The following XRRA1 variants were observed in gnomAD, a reference collection of about 807,000 sequenced individuals.
The protein encoded by XRRA1 is X-ray radiation resistance-associated protein 1.
Under a neutral mutation model 80.2 loss-of-function variants are expected in XRRA1, and 69 were observed. The observed-to-expected ratio is 0.86, with a 90% CI of 0.71 to 1.05. The LOEUF is 1.05. Ranked by LOEUF, XRRA1 falls within the 50% of genes least tolerant of loss-of-function variation. The pLI is 0.00. For synonymous variants in XRRA1, 348 were observed against 389.9 expected (o/e 0.89, Z 1.27); for missense variants, 967 against 976.4 (o/e 0.99, Z 0.13).
chr11:74,859,728 T>C (rs1247120412), intron 11 of XRRA1, among the ~76,000 whole-genome samples: 1 of 151,160 alleles, frequency 6.6e-6, no homozygotes, highest in Non-Finnish European at 1.5e-5. Flanking sequence ...GAGAGGGAGG[T>C]GTTTTGAGCC....
At chr11:74,864,820 A>G (rs985019437) in intron 10 of XRRA1, among the ~76,000 whole-genome samples, 4 of 152,154 alleles carry the variant, frequency 2.6e-5, no homozygotes, top group African/African-American at 9.6e-5. Flanking sequence ...ACTCACCTAT[A>G]TCTTGCAGCC....
chr11:74,941,031 T>G (rs1946237862), intron 2 of XRRA1, 149 bp from the exon 3 acceptor site: 1 of 612,944 alleles, frequency 1.6e-6, no homozygotes, highest in South Asian at 2.0e-5. Context: ...CTGCCCTTGC[T>G]TCAGAAATGG....
chr11:74,904,354 G>A (rs866039807), intron 10 of XRRA1, among the ~76,000 whole-genome samples: 1 of 152,100 alleles, frequency 6.6e-6, no homozygotes, highest in Non-Finnish European at 1.5e-5. Flanking sequence ...AGCTACTTGG[G>A]AGGCTGAGGC....
chr11:74,871,540 A>C (rs183282068), intron 10 of XRRA1, among the ~76,000 whole-genome samples: 56 of 152,336 alleles, frequency 3.7e-4, no homozygotes, highest in African/African-American at 1.3e-3. Context: ...TTTAGCAGTC[A>C]TATCAGGCAA....
intron 10 of XRRA1, among the ~76,000 whole-genome samples, chr11:74,881,421 TG>T (rs1161228990): frequency 2.7e-5 from 4 of 150,794 alleles, no homozygotes; most frequent in African/African-American, 9.9e-5. Context: ...TTATCCAATT[TG>T]CCAGTCTGTG....
intron 8 of XRRA1, among the ~76,000 whole-genome samples, chr11:74,909,664 G>A (rs1038949347): frequency 6.6e-6 from 1 of 152,084 alleles, no homozygotes; most frequent in Non-Finnish European, 1.5e-5. Context: ...CTTTCCCACC[G>A]AGCCCCTCCT....
At position 74,927,469 on chromosome 11, in the gene XRRA1, T is replaced by C; in HGVS notation, c.444A>G (p.Pro148=). The change falls in exon 7 of 19, where the codon CCA becomes CCG. Residue 148 remains proline, a synonymous_variant. Coordinates refer to ENST00000684022, the MANE Select transcript of XRRA1 (RefSeq NM_001378157.1). ...LLPLEAFHTF[P]ALKELDLAFN... The stretch of plus-strand genomic sequence containing the variant: ...ATGCGAGATCCAGTTCCTTTAGGGC[T>C]GGAAACGTGTGAAATGCCTCTACAT... The C allele has an allele frequency of 1.2e-6, 2 of 1,612,626 alleles. No homozygotes were observed. Among genetic ancestry groups the C allele is most frequent in the Non-Finnish European group, 1.7e-6 (2 of 1,178,648 alleles).
rs1276690531 is a variant in XRRA1 at position 74,933,721 on chromosome 11, G to A, written c.351+80C>T. The A allele has an allele frequency of 3.0e-6, 4 of 1,337,218 alleles. No homozygotes were observed. In the Admixed American group the frequency reaches 7.9e-5, roughly 26 times the overall value. The allele number at this position is 1,337,218 out of a possible 1,614,324, so 82.8% of individuals were successfully genotyped here. On this transcript the variant is annotated intron_variant, in intron 5 of 18. Transcript: ENST00000684022. ...TCCAGTCCCTAGGGACTCTGGAGGTGCAAGAGACAAACCACAACAGCCAGG... is the reference window on the plus strand; with the variant it reads ...TCCAGTCCCTAGGGACTCTGGAGGTACAAGAGACAAACCACAACAGCCAGG...
At chr11:74,894,523 A>G (rs2051710137) in intron 10 of XRRA1, among the ~76,000 whole-genome samples, 1 of 152,192 alleles carries the variant, frequency 6.6e-6, no homozygotes, top group East Asian at 1.9e-4. Context: ...CATGGCAGAA[A>G]GCGAGGGGGA....
intron 10 of XRRA1, among the ~76,000 whole-genome samples, chr11:74,902,263 T>C (rs1437342487): frequency 2.0e-5 from 3 of 152,156 alleles, no homozygotes; most frequent in Non-Finnish European, 2.9e-5. Context: ...AGTCAGGCAA[T>C]AACAAATGCT....
At chr11:74,847,377 GCC>G (rs2038552629) in intron 15 of XRRA1, among the ~76,000 whole-genome samples, 1 of 152,054 alleles carries the variant, frequency 6.6e-6, no homozygotes, top group South Asian at 2.1e-4. Context: ...GTTCAAGGGG[GCC>G]CTGCCAACTC....
At chr11:74,924,298 A>T in intron 7 of XRRA1, among the ~76,000 whole-genome samples, 1 of 149,794 alleles carries the variant, frequency 6.7e-6, no homozygotes, top group South Asian at 2.1e-4. Context: ...ACACGGTGAA[A>T]CCCCGTCTCT....
chr11:74,887,882 C>A (rs1317383561), intron 10 of XRRA1, among the ~76,000 whole-genome samples: 3 of 152,088 alleles, frequency 2.0e-5, no homozygotes, highest in Non-Finnish European at 2.9e-5. Flanking sequence ...GGGAGGGGCA[C>A]CCGCCATTGC....
chr11:74,937,826 A>C (rs571022069), intron 3 of XRRA1, among the ~76,000 whole-genome samples: 1 of 152,276 alleles, frequency 6.6e-6, no homozygotes, highest in South Asian at 2.1e-4. Context: ...CTCCCTCTCT[A>C]GAGTGGAAGC....
Position 74,845,220 on chromosome 11 carries a change from C to T in XRRA1, c.1780G>A (p.Glu594Lys). The T allele has an allele frequency of 1.9e-6, 3 of 1,613,960 alleles. No individual in the cohort carries two copies. The African/African-American group carries it at 4.0e-5, about 22-fold the overall frequency. The part of the protein sequence containing the change: ...VIHKDDLELK[E>K]KDQKKPPTAP... ...GTTGGTGGTTTCTTTTGGTCTTTCT[C>T]CTTTAACTCTAAATCATCCTTATGG... Residue 594 changes from glutamate to lysine, a missense_variant, in exon 16 of 19, where the codon GAG (glutamate) becomes AAG (lysine). Transcript: ENST00000684022.
chr11:74,869,647 A>G (rs1233721896), intron 10 of XRRA1, among the ~76,000 whole-genome samples: 2 of 152,170 alleles, frequency 1.3e-5, no homozygotes, highest in African/African-American at 4.8e-5. Flanking sequence ...GAAGATTAGT[A>G]TGGGGGCGAC....
In XRRA1 at chr11:74,843,925, GTCT is replaced by G. The variant is rs746909441; in HGVS notation, c.2075_2077del (p.Lys692del). On this transcript the variant is annotated inframe_deletion, in exon 18 of 19. Coordinates refer to ENST00000684022, the MANE Select transcript of XRRA1 (RefSeq NM_001378157.1). ...GATGTCATCCAGAAGTTGGGCTCTA[GTCT>G]TCTTTGGGGGTGGAATCGGGATTCT... The G allele has an allele frequency of 3.7e-6, 6 of 1,613,636 alleles. No homozygotes were observed. In the African/African-American group the frequency reaches 5.3e-5, roughly 14 times the overall value.
chr11:74,855,316 A>G (rs1467193347), intron 12 of XRRA1, among the ~76,000 whole-genome samples: 1 of 152,256 alleles, frequency 6.6e-6, no homozygotes, highest in East Asian at 1.9e-4. Flanking sequence ...TGGGAGATGC[A>G]GAATTTAATC....
intron 2 of XRRA1, among the ~76,000 whole-genome samples, chr11:74,944,330 A>G (rs570764514): frequency 6.6e-6 from 1 of 152,352 alleles, no homozygotes; most frequent in South Asian, 2.1e-4. Flanking sequence ...TCCTAGGACC[A>G]AGACATATAT....
Sources: allele counts gnomAD v4.1 joint callset (sites outside exome capture counted in the v4.1 genomes callset), GRCh38; gene constraint gnomAD v4.1.1; transcripts MANE v1.5; gene names NCBI Gene and HGNC (gene_info 2026-07-23, HGNC 2026-07-21).